Variants in STIM1 observed in about 807,000 individuals in gnomAD.
STIM1 encodes the protein stromal interaction molecule 1.
A neutral mutation model predicts 74.7 loss-of-function variants in STIM1; 25 were observed. That is an observed-to-expected ratio of 0.33 (90% CI 0.24 to 0.47). The LOEUF (loss-of-function observed/expected upper bound fraction) is 0.47, where lower values mean the gene tolerates loss of function less well. STIM1 is among the 20% of genes least tolerant of loss of function. The pLI is 1.00. For missense variants in STIM1, 728 were observed against 920.8 expected, an observed-to-expected ratio of 0.79 and a Z score of 2.71; for synonymous variants, 328 against 348.8, an observed-to-expected ratio of 0.94 and a Z score of 0.66.
chr11:4,059,065 G>C, intron 4 of STIM1: 1 of 829,054 alleles, frequency 1.2e-6, no homozygotes, highest in Non-Finnish European at 1.8e-6. Flanking sequence ...AGAAGTTGGT[G>C]GATATGGGGA....
In STIM1 at chr11:4,006,364, T is replaced by G. The variant is rs182047695; in HGVS notation, c.271-17509T>G. ...TACAGCCTGCGGAATGGTGAGCCAATTAAACCTCTTTTCTTATAAATTACC... is the reference window on the plus strand; with the variant it reads ...TACAGCCTGCGGAATGGTGAGCCAAGTAAACCTCTTTTCTTATAAATTACC... On this transcript the variant is annotated intron_variant, in intron 2 of 12. Transcript: ENST00000526596. 1.2e-4 allele frequency among the ~76,000 whole-genome samples: 18 copies of G among 152,286 alleles called. No homozygotes were observed. In the East Asian group the frequency reaches 2.3e-3, roughly 20 times the overall value.
At chr11:4,043,142 AAT>A (rs1565157829) in intron 3 of STIM1, among the ~76,000 whole-genome samples, 1 of 152,150 alleles carries the variant, frequency 6.6e-6, no homozygotes, top group Non-Finnish European at 1.5e-5. Context: ...GTTTTTTTGT[AAT>A]ATATCCTAAA....
chr11:3,892,403 C>G, intron 1 of STIM1: 1 of 1,438,040 alleles, frequency 7.0e-7, no homozygotes. Context: ...TAAGAGTTGT[C>G]CACAGTCAGC....
intron 1 of STIM1, among the ~76,000 whole-genome samples, chr11:3,949,595 A>G (rs1033665306): frequency 2.0e-4 from 31 of 152,222 alleles, no homozygotes; most frequent in African/African-American, 7.2e-4. Context: ...CTATCATTAC[A>G]TGGAGCTCTT....
intron 2 of STIM1, among the ~76,000 whole-genome samples, chr11:3,988,264 G>C (rs1264137962): frequency 6.6e-6 from 1 of 152,206 alleles, no homozygotes; most frequent in East Asian, 1.9e-4. Context: ...AGCCAGAGCA[G>C]AGGGTGGATT....
At chr11:4,006,617 T>C (rs918067590) in intron 2 of STIM1, among the ~76,000 whole-genome samples, 31 of 152,228 alleles carry the variant, frequency 2.0e-4, no homozygotes, top group African/African-American at 7.2e-4. Context: ...TTTGACCATG[T>C]TGGCCAGGCT....
At chr11:4,027,373 G>A (rs890323211) in intron 3 of STIM1, among the ~76,000 whole-genome samples, 2 of 151,766 alleles carry the variant, frequency 1.3e-5, no homozygotes, top group African/African-American at 2.4e-5. Flanking sequence ...GTGCAGTGGC[G>A]CAATCTCAGC....
chr11:3,892,846 G>A (rs1185976493), intron 1 of STIM1: 5 of 1,607,826 alleles, frequency 3.1e-6, no homozygotes, highest in Middle Eastern at 1.6e-4. Flanking sequence ...CCAAGGGCTC[G>A]CTGTTGACAG....
chr11:3,928,757 A>C (rs1334931692), intron 1 of STIM1, among the ~76,000 whole-genome samples: 1 of 152,202 alleles, frequency 6.6e-6, no homozygotes, highest in African/African-American at 2.4e-5. Flanking sequence ...GGAGTAAAGA[A>C]AAGACCATAC....
intron 1 of STIM1, among the ~76,000 whole-genome samples, chr11:3,916,974 C>G (rs2092653190): frequency 6.6e-6 from 1 of 152,182 alleles, no homozygotes; most frequent in Non-Finnish European, 1.5e-5. Context: ...AAGCTTCTTT[C>G]AATAGGGGCA....
chr11:4,044,889 G>T (rs1160920417), intron 3 of STIM1, among the ~76,000 whole-genome samples: 1 of 152,116 alleles, frequency 6.6e-6, no homozygotes, highest in Non-Finnish European at 1.5e-5. Context: ...AATATCTGGA[G>T]ACATTTTTTA....
intron 1 of STIM1, among the ~76,000 whole-genome samples, chr11:3,959,964 T>C (rs946335401): frequency 6.6e-6 from 1 of 151,990 alleles, no homozygotes; most frequent in Non-Finnish European, 1.5e-5. Context: ...CACTGTCAGT[T>C]AAAAAAAATA....
intron 3 of STIM1, among the ~76,000 whole-genome samples, chr11:4,052,777 A>G (rs2094253915): frequency 6.6e-6 from 1 of 152,242 alleles, no homozygotes; most frequent in Non-Finnish European, 1.5e-5. Context: ...TCAGCAGAAG[A>G]AACTACCATC....
At chr11:4,086,203 C>T (rs2094492206) in intron 11 of STIM1, 1 of 518,614 alleles carries the variant, frequency 1.9e-6, no homozygotes, top group South Asian at 2.2e-5. Context: ...TGTGTCTACC[C>T]ACTAACTGCC....
At chr11:4,053,490 C>T (rs2094261023) in intron 3 of STIM1, among the ~76,000 whole-genome samples, 1 of 151,362 alleles carries the variant, frequency 6.6e-6, no homozygotes, top group South Asian at 2.1e-4. Flanking sequence ...AACAAAAAAC[C>T]AAACACCGCA....
intron 6 of STIM1, among the ~76,000 whole-genome samples, chr11:4,073,258 TAGAA>T (rs144146905): frequency 0.045 from 6,916 of 152,098 alleles, 479 homozygotes; most frequent in African/African-American, 0.15. Context: ...GGTTTTTACT[TAGAA>T]AGGAAGACCA....
At chr11:3,920,953 G>A (rs1404186627) in intron 1 of STIM1, among the ~76,000 whole-genome samples, 3 of 151,836 alleles carry the variant, frequency 2.0e-5, no homozygotes, top group Admixed American at 6.6e-5. Flanking sequence ...CCGCCACTAC[G>A]CATGGCTAAT....
At chr11:3,955,809 G>T (rs535294329) in intron 1 of STIM1, among the ~76,000 whole-genome samples, 1 of 152,116 alleles carries the variant, frequency 6.6e-6, no homozygotes, top group East Asian at 1.9e-4. Context: ...CCAGGGTTGA[G>T]AACTACTGCT....
chr11:3,913,802 G>A (rs945679173), intron 1 of STIM1, among the ~76,000 whole-genome samples: 7 of 151,894 alleles, frequency 4.6e-5, no homozygotes, highest in African/African-American at 7.3e-5. Context: ...CCTATTTTCC[G>A]CTCCCGCTGG....
Sources: gnomAD v4.1 joint callset for allele counts (sites outside exome capture counted in the v4.1 genomes callset) on GRCh38, gnomAD v4.1.1 for gene constraint, MANE v1.5 for transcripts, NCBI Gene and HGNC (gene_info 2026-07-23, HGNC 2026-07-21) for gene names.